The following SH2B3 variants were observed in gnomAD, a reference collection of about 807,000 sequenced individuals.
The protein encoded by SH2B3 is SH2B adaptor protein 3.
In SH2B3, 43 loss-of-function variants were observed where a neutral mutation model predicts 51.9. That is an observed-to-expected ratio of 0.83 (90% CI 0.65 to 1.07). The LOEUF (loss-of-function observed/expected upper bound fraction) is 1.07, where lower values mean the gene tolerates loss of function less well. Ranked by LOEUF, SH2B3 falls within the 50% of genes least tolerant of loss-of-function variation. SH2B3 has a pLI of 0.00. For synonymous variants in SH2B3, 396 were observed against 376.0 expected (o/e 1.05, Z -0.62); for missense variants, 952 against 834.3 (o/e 1.14, Z -1.74).
Position 111,446,960 on chromosome 12 carries a change from A to T in SH2B3, c.853A>T (p.Ile285Phe), listed in dbSNP as rs1170483277. ...FVLKVKDRTD[I>F]IFEVGDEQQL... ...CTGCCAGGTGAAGGACCGGACAGAC[A>T]TCATCTTTGAGGTGGGAGACGAGCA... Residue 285 changes from isoleucine (I) to phenylalanine (F), a missense_variant, in exon 4 of 8, where the codon ATC becomes TTC. Ile to Phe is a conservative substitution (Grantham distance 21). Transcript: ENST00000341259. 6.2e-7 allele frequency: 1 copy of T among 1,613,994 alleles called. No individual in the cohort carries two copies. Among genetic ancestry groups the T allele is most frequent in the Non-Finnish European group, 8.5e-7 (1 of 1,179,924 alleles).
chr12:111,412,840 A>G (rs1364155534), intron 1 of SH2B3, among the ~76,000 whole-genome samples: 1 of 152,024 alleles, frequency 6.6e-6, no homozygotes, highest in Non-Finnish European at 1.5e-5. Context: ...CGAGGTATTG[A>G]GATTATAGGT....
At chr12:111,421,074 C>T (rs1019978093) in intron 2 of SH2B3, among the ~76,000 whole-genome samples, 1 of 152,194 alleles carries the variant, frequency 6.6e-6, no homozygotes, top group African/African-American at 2.4e-5. Context: ...CCTCTTATCA[C>T]CACAGGTTCG....
At chr12:111,421,557 C>T (rs1441580899) in intron 2 of SH2B3, among the ~76,000 whole-genome samples, 1 of 151,984 alleles carries the variant, frequency 6.6e-6, no homozygotes, top group Non-Finnish European at 1.5e-5. Flanking sequence ...ACTGGGACCA[C>T]AGGCACGTGC....
Position 111,418,860 on chromosome 12 carries a change from CTCT to C in SH2B3, c.718_720del (p.Phe240del). 7.1e-7 allele frequency: 1 copy of C among 1,414,134 alleles called. No individual in the cohort carries two copies. The highest frequency in any genetic ancestry group is 3.0e-5 in the East Asian group (1 of 33,366). The allele number at this position is 1,414,134 out of a possible 1,614,324, so 87.6% of individuals were successfully genotyped here. ...CGATGGCCCCGACCGCGTGCTGGAG[CTCT>C]TCGACCCACCCAAGGTAAGTAAGCC... On this transcript the variant is annotated inframe_deletion, in exon 2 of 8. Transcript: ENST00000341259. This position sits in a 1 kb window ranked among gnomAD's most constrained non-coding sequence, Gnocchi z 6.7.
In SH2B3 at chr12:111,442,207, C is replaced by T. The variant is rs546541663; in HGVS notation, c.733-4546C>T. 6.5e-4 allele frequency among the ~76,000 whole-genome samples: 99 copies of T among 152,324 alleles called. 1 individual carries two copies. The highest frequency in any genetic ancestry group is 3.4e-3 in the Middle Eastern group (1 of 294). ...AGGACAGGATCTGGAATTTGCTCTG[C>T]GCCTTTTCAGACCCCCTCCCTCTCC... On this transcript the variant is annotated intron_variant, in intron 2 of 7. Coordinates refer to ENST00000341259, the MANE Select transcript of SH2B3 (RefSeq NM_005475.3).
Position 111,429,354 on chromosome 12 carries a change from C to T in SH2B3, c.732+10477C>T, listed in dbSNP as rs1872276728. On this transcript the variant is annotated intron_variant, in intron 2 of 7. Transcript: ENST00000341259. The surrounding 1 kb of genome is among the most constrained non-coding windows in gnomAD (Gnocchi z 4.4). ...TATTTATTATTTATTTATTTAGAGACAGAGTCTCGCTCTGTCGCCCAGGTT... is the reference window on the plus strand; with the variant it reads ...TATTTATTATTTATTTATTTAGAGATAGAGTCTCGCTCTGTCGCCCAGGTT... 6.6e-6 allele frequency among the ~76,000 whole-genome samples: 1 copy of T among 152,158 alleles called. No individual in the cohort carries two copies. The highest frequency in any genetic ancestry group is 6.5e-5 in the Admixed American group (1 of 15,276).
rs563891753 is a variant in SH2B3, at chr12:111,432,333, C to T, written c.732+13456C>T. 7.9e-5 allele frequency among the ~76,000 whole-genome samples: 12 copies of T among 152,154 alleles called. 2 individuals are homozygous for T. The highest frequency in any genetic ancestry group is 2.9e-4 in the African/African-American group (12 of 41,512). ...TCCCAAAGTGCTGGGATTACAGCCA[C>T]CGCGCCCAGCCCATTTTTAACTTTT... is the stretch of plus-strand genomic sequence containing the variant. On this transcript the variant is annotated intron_variant, in intron 2 of 7. Coordinates refer to ENST00000341259, the MANE Select transcript of SH2B3 (RefSeq NM_005475.3).
At chr12:111,416,100 C>G (rs992966618) in intron 1 of SH2B3, among the ~76,000 whole-genome samples, 3 of 151,930 alleles carry the variant, frequency 2.0e-5, no homozygotes, top group Admixed American at 2.0e-4. Flanking sequence ...TGCCACCACC[C>G]CCCGCTAATT....
intron 2 of SH2B3, among the ~76,000 whole-genome samples, chr12:111,442,445 A>C (rs1873511658): frequency 6.6e-6 from 1 of 151,398 alleles, no homozygotes. Flanking sequence ...TGGAGGGTCG[A>C]CTGAGGCCTG....
At position 111,435,627 on chromosome 12, in the gene SH2B3, C is replaced by T. The variant is rs879630224; in HGVS notation, c.733-11126C>T. Among the ~76,000 whole-genome samples, 1 of 152,152 alleles carries T rather than the reference C, an allele frequency of 6.6e-6. No individual in the cohort carries two copies. The highest frequency in any genetic ancestry group is 1.5e-5 in the Non-Finnish European group (1 of 68,006). ...GCCCATCTTGACCTCCCAAAGTGCT[C>T]GTTACAGGCGTGAACAACCCCCACC... On this transcript the variant is annotated intron_variant, in intron 2 of 7. Coordinates refer to ENST00000341259, the MANE Select transcript of SH2B3 (RefSeq NM_005475.3). This position sits in a 1 kb window ranked among gnomAD's most constrained non-coding sequence, Gnocchi z 4.8.
rs1268737905 is a variant in SH2B3, at chr12:111,410,026, C to T, written c.-28+3749C>T. On this transcript the variant is annotated intron_variant, in intron 1 of 7. Coordinates refer to ENST00000341259, the MANE Select transcript of SH2B3 (RefSeq NM_005475.3). The surrounding 1 kb of genome is among the most constrained non-coding windows in gnomAD (Gnocchi z 4.9). Reference sequence around the variant, plus strand: ...TTCCTTGTGAGCCAGGCCTGGAGCCCCTGGGGGCCCACCCGGATGTGGCTA... The same window carrying T: ...TTCCTTGTGAGCCAGGCCTGGAGCCTCTGGGGGCCCACCCGGATGTGGCTA... Among the ~76,000 whole-genome samples the T allele has an allele frequency of 6.6e-6, 1 of 152,196 alleles. No individual in the cohort carries two copies. Among genetic ancestry groups the T allele is most frequent in the African/African-American group, 2.4e-5 (1 of 41,460 alleles).
chr12:111,411,159 A>G (rs1449644663), intron 1 of SH2B3, among the ~76,000 whole-genome samples: 2 of 147,116 alleles, frequency 1.4e-5, no homozygotes, highest in African/African-American at 5.1e-5. Flanking sequence ...TGAGCCCAGG[A>G]GTTTGAAACC....
chr12:111,414,147 T>TC (rs1055194645), intron 1 of SH2B3, among the ~76,000 whole-genome samples: 1 of 152,140 alleles, frequency 6.6e-6, no homozygotes, highest in Non-Finnish European at 1.5e-5. Flanking sequence ...GGTTAGACCC[T>TC]CCCCCCTTCA....
intron 2 of SH2B3, among the ~76,000 whole-genome samples, chr12:111,419,316 A>T (rs970873421): frequency 2.0e-5 from 3 of 151,226 alleles, no homozygotes; most frequent in African/African-American, 7.3e-5. Context: ...AATAAATACA[A>T]TAAAAAAGAA....
intron 2 of SH2B3, among the ~76,000 whole-genome samples, chr12:111,425,857 G>A (rs1490925077): frequency 6.6e-6 from 1 of 152,198 alleles, no homozygotes; most frequent in African/African-American, 2.4e-5. Flanking sequence ...GTGTGTTTAT[G>A]TGGGGGAAAG....
At chr12:111,415,694 T>C (rs1871031848) in intron 1 of SH2B3, among the ~76,000 whole-genome samples, 1 of 149,996 alleles carries the variant, frequency 6.7e-6, no homozygotes, top group Non-Finnish European at 1.5e-5. Flanking sequence ...TGATCTCAGC[T>C]CGTTGCAACC....
Position 111,451,127 on chromosome 12 carries a change from T to G in SH2B3, c.*2825T>G, listed in dbSNP as rs1356121890. ...AAAGAATTAAGTCAACTAACCTGCC[T>G]TGAATTTTAGACCAGCAATCCATAT... is the stretch of plus-strand genomic sequence containing the variant. On this transcript the variant is annotated 3_prime_UTR_variant, in exon 8 of 8. Transcript: ENST00000341259. The G allele has an allele frequency of 6.5e-6, 1 of 152,698 alleles. No homozygotes were observed. Among genetic ancestry groups the G allele is most frequent in the Non-Finnish European group, 1.5e-5 (1 of 68,052 alleles). 9.5% of individuals were successfully genotyped at this position (152,698 alleles called of 1,614,324 possible). A position where few individuals can be genotyped will look rare whatever the true frequency, so the allele number is the denominator to read the frequency against.
chr12:111,423,243 C>T (rs753015599), intron 2 of SH2B3, among the ~76,000 whole-genome samples: 1 of 152,178 alleles, frequency 6.6e-6, no homozygotes, highest in Non-Finnish European at 1.5e-5. Flanking sequence ...GTTGGGAAAA[C>T]GCAAGCACAG....
rs1295041221 is a variant in SH2B3, at chr12:111,435,779, A to C, written c.733-10974A>C. ...CCATGGCCTTGTGGTGGCGAGGCGCAGAAGGCGTCACCTGAAAAAGGTGTG... is the reference window on the plus strand; with the variant it reads ...CCATGGCCTTGTGGTGGCGAGGCGCCGAAGGCGTCACCTGAAAAAGGTGTG... On this transcript the variant is annotated intron_variant, in intron 2 of 7. Coordinates refer to ENST00000341259, the MANE Select transcript of SH2B3 (RefSeq NM_005475.3). This position sits in a 1 kb window ranked among gnomAD's most constrained non-coding sequence, Gnocchi z 4.8. Among the ~76,000 whole-genome samples, 1 of 152,194 alleles carries C rather than the reference A, an allele frequency of 6.6e-6. No individual in the cohort carries two copies. The highest frequency in any genetic ancestry group is 1.9e-4 in the East Asian group (1 of 5,188).
Sources: allele counts gnomAD v4.1 joint callset (sites outside exome capture counted in the v4.1 genomes callset), GRCh38; gene constraint gnomAD v4.1.1; non-coding constraint Gnocchi (gnomAD v3.1); transcripts MANE v1.5; gene names NCBI Gene and HGNC (gene_info 2026-07-23, HGNC 2026-07-21).